Variants in CDH12 observed in about 807,000 individuals in gnomAD.
CDH12 encodes cadherin-12.
In CDH12, 41 loss-of-function variants were observed where a neutral mutation model predicts 74.1. That is an observed-to-expected ratio of 0.55 (90% CI 0.43 to 0.72). The LOEUF is 0.72. Ranked by LOEUF, CDH12 falls within the 30% of genes least tolerant of loss-of-function variation. CDH12 has a pLI of 0.00. For missense variants in CDH12, 945 were observed against 977.2 expected (o/e 0.97, Z 0.44); for synonymous variants, 399 against 355.0 (o/e 1.12, Z -1.39).
chr5:22,237,077 T>C (rs758805465), intron 3 of CDH12, among the ~76,000 whole-genome samples: 10 of 152,126 alleles, frequency 6.6e-5, no homozygotes, highest in Admixed American at 1.3e-4. Flanking sequence ...TTACGTACTG[T>C]ATATAATTGT....
At chr5:21,915,822 C>CTCTGTGTGTG (rs1554043853) in intron 6 of CDH12, among the ~76,000 whole-genome samples, 2 of 140,044 alleles carry the variant, frequency 1.4e-5, no homozygotes, top group African/African-American at 5.3e-5. Flanking sequence ...ATCATTTGTG[C>CTCTGTGTGTG]TGTGTGTGTG....
intron 2 of CDH12, among the ~76,000 whole-genome samples, chr5:22,446,015 G>T (rs1254682590): frequency 1.3e-5 from 2 of 152,028 alleles, no homozygotes; most frequent in African/African-American, 4.8e-5. Flanking sequence ...GTATCTCAAG[G>T]TTCCCTGAAA....
chr5:22,181,529 T>C (rs1749646183), intron 4 of CDH12, among the ~76,000 whole-genome samples: 1 of 152,216 alleles, frequency 6.6e-6, no homozygotes, highest in African/African-American at 2.4e-5. Flanking sequence ...TGCTATTTTG[T>C]GCCAGTGTTC....
At position 22,214,933 on chromosome 5, in the gene CDH12, T is replaced by G. The variant is rs191911278; in HGVS notation, c.-332-2290A>C. Among the ~76,000 whole-genome samples, 236 of 152,312 alleles carry G rather than the reference T, an allele frequency of 1.5e-3. 4 individuals are homozygous for G. The highest frequency in any genetic ancestry group is 5.6e-3 in the African/African-American group (231 of 41,566). On this transcript the variant is annotated intron_variant, in intron 3 of 14. Transcript: ENST00000382254. ...TTTTAACCTATGTTGGAACACTAAT[T>G]GATTTTATGTGAAAGTACACACATG...
At chr5:21,836,455 A>G (rs2149978941) in intron 8 of CDH12, among the ~76,000 whole-genome samples, 1 of 137,238 alleles carries the variant, frequency 7.3e-6, no homozygotes, top group Non-Finnish European at 1.6e-5. Context: ...ATTGAAATAG[A>G]AAGGAAAACA....
At chr5:22,531,686 G>A (rs1039161766) in intron 1 of CDH12, among the ~76,000 whole-genome samples, 1 of 152,058 alleles carries the variant, frequency 6.6e-6, no homozygotes, top group African/African-American at 2.4e-5. Flanking sequence ...GTAGATTGCA[G>A]GTACAGATGG....
chr5:22,725,735 A>G (rs1393183286), intron 1 of CDH12, among the ~76,000 whole-genome samples: 1 of 151,716 alleles, frequency 6.6e-6, no homozygotes, highest in Non-Finnish European at 1.5e-5. Context: ...AGGGACAAAA[A>G]CATTCAGACT....
At chr5:22,207,559 A>C (rs1751287625) in intron 4 of CDH12, among the ~76,000 whole-genome samples, 2 of 152,226 alleles carry the variant, frequency 1.3e-5, no homozygotes, top group South Asian at 4.1e-4. Flanking sequence ...ACCAGTGGTC[A>C]AATGGAACTT....
At chr5:22,377,930 A>G (rs1299541000) in intron 3 of CDH12, among the ~76,000 whole-genome samples, 1 of 152,186 alleles carries the variant, frequency 6.6e-6, no homozygotes, top group African/African-American at 2.4e-5. Context: ...TGTAACAGAA[A>G]TTTTGTGAAA....
Position 21,877,951 on chromosome 5 carries a change from T to C in CDH12, c.527-23161A>G, listed in dbSNP as rs978372364. ...TAGAACTTATTATAGCAGTTCACAT[T>C]ATCTGAAGGCAAGTGAACTTGATAC... On this transcript the variant is annotated intron_variant, in intron 6 of 14. Coordinates refer to ENST00000382254, the MANE Select transcript of CDH12 (RefSeq NM_004061.5). Among the ~76,000 whole-genome samples, 11 of 152,214 alleles carry C rather than the reference T, an allele frequency of 7.2e-5. 1 individual carries two copies. The highest frequency in any genetic ancestry group is 3.9e-4 in the Admixed American group (6 of 15,288).
chr5:22,284,720 CA>C (rs1364450140), intron 3 of CDH12, among the ~76,000 whole-genome samples: 4 of 152,084 alleles, frequency 2.6e-5, no homozygotes, highest in Non-Finnish European at 5.9e-5. Flanking sequence ...GAGGATTCAA[CA>C]AGTGTCTGAA....
chr5:22,602,512 T>G (rs1368085096), intron 1 of CDH12, among the ~76,000 whole-genome samples: 1 of 152,144 alleles, frequency 6.6e-6, no homozygotes, highest in Non-Finnish European at 1.5e-5. Context: ...AACTATTCAT[T>G]GTTTTCCTAA....
intron 1 of CDH12, among the ~76,000 whole-genome samples, chr5:22,517,746 T>C (rs748261710): frequency 6.6e-6 from 1 of 152,232 alleles, no homozygotes; most frequent in African/African-American, 2.4e-5. Flanking sequence ...AATCTAGTCA[T>C]GGTTCCACAG....
intron 6 of CDH12, among the ~76,000 whole-genome samples, chr5:21,951,055 G>A (rs943970889): frequency 1.3e-4 from 19 of 151,728 alleles, no homozygotes; most frequent in Non-Finnish European, 2.6e-4. Flanking sequence ...CCAAAGTGCT[G>A]GGATTACAGG....
chr5:21,986,345 T>A (rs1264471446), intron 5 of CDH12, among the ~76,000 whole-genome samples: 1 of 152,206 alleles, frequency 6.6e-6, no homozygotes, highest in East Asian at 1.9e-4. Context: ...ATTGCCTTCA[T>A]GGCTACATAT....
intron 1 of CDH12, among the ~76,000 whole-genome samples, chr5:22,733,233 G>A (rs1200475602): frequency 5.3e-5 from 8 of 151,600 alleles, no homozygotes. Flanking sequence ...TTGTCACCAG[G>A]ATTTACTTAA....
chr5:22,808,825 T>TCTCA (rs1281121355), intron 1 of CDH12, among the ~76,000 whole-genome samples: 5 of 146,936 alleles, frequency 3.4e-5, no homozygotes, highest in Non-Finnish European at 7.5e-5. Flanking sequence ...GCCAGGATGT[T>TCTCA]CTCAATCTCT....
intron 1 of CDH12, among the ~76,000 whole-genome samples, chr5:22,601,607 T>C (rs2126812851): frequency 6.6e-6 from 1 of 152,190 alleles, no homozygotes; most frequent in African/African-American, 2.4e-5. Context: ...TCCTTTCATC[T>C]GAAAGGAAGA....
chr5:21,877,307 G>A (rs958516325), intron 6 of CDH12, among the ~76,000 whole-genome samples: 5 of 151,972 alleles, frequency 3.3e-5, no homozygotes, highest in South Asian at 2.1e-4. Flanking sequence ...CTAGAAACTC[G>A]TTTCCATATG....
Sources: allele counts gnomAD v4.1 joint callset (sites outside exome capture counted in the v4.1 genomes callset), GRCh38; gene constraint gnomAD v4.1.1; transcripts MANE v1.5; gene names NCBI Gene and HGNC (gene_info 2026-07-23, HGNC 2026-07-21).